The following ZBTB8OS variants were observed in gnomAD, a reference collection of about 807,000 sequenced individuals.
ZBTB8OS encodes tRNA splicing ligase complex subunit 1, also known as tRNA-splicing ligase-activating factor archease.
In ZBTB8OS, 16 loss-of-function variants were observed where a neutral mutation model predicts 29.3. The ratio of observed to expected loss-of-function variants is 0.55; its 90% confidence interval spans 0.37 to 0.83. The LOEUF (loss-of-function observed/expected upper bound fraction) is 0.83, where lower values mean the gene tolerates loss of function less well. ZBTB8OS is among the 40% of genes least tolerant of loss of function. The probability of loss-of-function intolerance (pLI) is 0.00; values close to 1 mark genes in which losing one functional copy is unlikely to be tolerated. For missense variants in ZBTB8OS, 160 were observed against 196.9 expected, an observed-to-expected ratio of 0.81 and a Z score of 1.12; for synonymous variants, 70 against 64.6, an observed-to-expected ratio of 1.08 and a Z score of -0.40.
chr1:32,646,130 G>A (rs1646809318), intron 1 of ZBTB8OS, among the ~76,000 whole-genome samples: 2 of 152,040 alleles, frequency 1.3e-5, no homozygotes, highest in South Asian at 4.1e-4. Context: ...GACCAGCCTG[G>A]CCAACATGGT....
intron 1 of ZBTB8OS, among the ~76,000 whole-genome samples, chr1:32,649,185 C>T (rs1325405734): frequency 6.6e-6 from 1 of 151,880 alleles, no homozygotes; most frequent in East Asian, 1.9e-4. Context: ...CCAGGCTGGT[C>T]TGGAACTCCT....
At chr1:32,645,352 G>A (rs1450874351) in intron 1 of ZBTB8OS, among the ~76,000 whole-genome samples, 1 of 151,668 alleles carries the variant, frequency 6.6e-6, no homozygotes, top group Non-Finnish European at 1.5e-5. Flanking sequence ...AACATAATTA[G>A]CTAGGTGTAG....
chr1:32,639,653 G>A (rs756378486), intron 1 of ZBTB8OS, among the ~76,000 whole-genome samples: 17 of 152,042 alleles, frequency 1.1e-4, no homozygotes, highest in South Asian at 2.1e-4. Flanking sequence ...AGCTACTTGG[G>A]AGGCTGAGAT....
At position 32,638,517 on chromosome 1, in the gene ZBTB8OS, T is replaced by C. The variant is rs141725984; in HGVS notation, c.98-3725A>G. Among the ~76,000 whole-genome samples the C allele has an allele frequency of 2.3e-3, 354 of 152,244 alleles. 2 individuals carry two copies. The highest frequency in any genetic ancestry group is 8.0e-3 in the African/African-American group (331 of 41,542). ...GAATTCTTTATTCTCCTAAAAATTATTGAAGACCCCAAAGAGCTTTTGTTA... is the reference window on the plus strand; with the variant it reads ...GAATTCTTTATTCTCCTAAAAATTACTGAAGACCCCAAAGAGCTTTTGTTA... On this transcript the variant is annotated intron_variant, in intron 1 of 6. Coordinates refer to ENST00000468695, the MANE Select transcript of ZBTB8OS (RefSeq NM_178547.5).
At chr1:32,639,020 A>G (rs1646204073) in intron 1 of ZBTB8OS, among the ~76,000 whole-genome samples, 1 of 151,120 alleles carries the variant, frequency 6.6e-6, no homozygotes, top group South Asian at 2.1e-4. Context: ...TTTCCTGGCC[A>G]GGCGCATTGG....
At chr1:32,636,737 T>C (rs968007043) in intron 1 of ZBTB8OS, among the ~76,000 whole-genome samples, 14 of 150,280 alleles carry the variant, frequency 9.3e-5, no homozygotes, top group South Asian at 2.1e-4. Context: ...GTCAGGTCCC[T>C]AGGATGACCC....
chr1:32,626,995 A>T (rs1423160185), intron 6 of ZBTB8OS, among the ~76,000 whole-genome samples: 2 of 152,198 alleles, frequency 1.3e-5, no homozygotes, highest in Admixed American at 1.3e-4. Flanking sequence ...AGTATTATCT[A>T]TGGCTACTTT....
At chr1:32,633,836 ACT>A in intron 3 of ZBTB8OS, 109 bp from the exon 4 acceptor site, 1 of 1,468,862 alleles carries the variant, frequency 6.8e-7, no homozygotes, top group Non-Finnish European at 9.1e-7. Context: ...GAAAGAAAAG[ACT>A]CATCCTTAAT....
At chr1:32,634,730 G>C (rs1296472037) in intron 2 of ZBTB8OS, 38 bp downstream of exon 2, 1 of 1,613,434 alleles carries the variant, frequency 6.2e-7, no homozygotes, top group Non-Finnish European at 8.5e-7. Context: ...TCTTCCTACT[G>C]ACGTGGTTTC....
chr1:32,630,797 A>C (rs1389679240), intron 5 of ZBTB8OS, among the ~76,000 whole-genome samples: 1 of 151,272 alleles, frequency 6.6e-6, no homozygotes, highest in Non-Finnish European at 1.5e-5. Flanking sequence ...AGATCACCTG[A>C]GGTCAGGAGC....
intron 6 of ZBTB8OS, among the ~76,000 whole-genome samples, chr1:32,623,583 CAGA>C (rs958774896): frequency 5.9e-5 from 9 of 152,130 alleles, no homozygotes; most frequent in African/African-American, 2.2e-4. Flanking sequence ...TGGCTCCCAT[CAGA>C]AGGCCAACTC....
chr1:32,632,758 AACT>A (rs1490073524), intron 4 of ZBTB8OS, among the ~76,000 whole-genome samples: 2 of 152,172 alleles, frequency 1.3e-5, no homozygotes, highest in African/African-American at 4.8e-5. Context: ...TATGGTAGAG[AACT>A]ACTCTGGGCA....
At chr1:32,623,951 G>A (rs1299361924) in intron 6 of ZBTB8OS, among the ~76,000 whole-genome samples, 1 of 152,092 alleles carries the variant, frequency 6.6e-6, no homozygotes, top group Non-Finnish European at 1.5e-5. Context: ...TCACGGGGGC[G>A]GTTTCCACCA....
At chr1:32,623,865 C>T (rs1414274052) in intron 6 of ZBTB8OS, among the ~76,000 whole-genome samples, 1 of 152,162 alleles carries the variant, frequency 6.6e-6, no homozygotes, top group Non-Finnish European at 1.5e-5. Flanking sequence ...TGTCCCCACC[C>T]AAATCTCATC....
At chr1:32,650,698 G>A, upstream of ZBTB8OS, 3 of 1,258,912 alleles carry the variant, frequency 2.4e-6, no homozygotes, top group South Asian at 3.0e-5. Context: ...CGCTTGGATC[G>A]CATATTTAAA....
intron 5 of ZBTB8OS, 21 bp from the exon 6 acceptor site, chr1:32,627,565 CAT>C: frequency 6.2e-7 from 1 of 1,609,214 alleles, no homozygotes; most frequent in Non-Finnish European, 8.5e-7. Flanking sequence ...CAAATTAAAA[CAT>C]GATTAAGATT....
At chr1:32,635,060 A>AAAAT (rs1353458459) in intron 1 of ZBTB8OS, among the ~76,000 whole-genome samples, 2 of 151,636 alleles carry the variant, frequency 1.3e-5, no homozygotes, top group East Asian at 1.9e-4. Context: ...CTCCATCTCA[A>AAAAT]AAATAAATAA....
chr1:32,623,672 T>C (rs935442499), intron 6 of ZBTB8OS, among the ~76,000 whole-genome samples: 2 of 152,172 alleles, frequency 1.3e-5, no homozygotes, highest in African/African-American at 4.8e-5. Context: ...CTCTACAACC[T>C]TGTCTCCTAC....
At chr1:32,640,982 C>G (rs112516392) in intron 1 of ZBTB8OS, among the ~76,000 whole-genome samples, 6 of 143,456 alleles carry the variant, frequency 4.2e-5, no homozygotes, top group African/African-American at 1.6e-4. Context: ...CTGGCCAACA[C>G]GGTGAAACCC....
Sources: gnomAD v4.1 joint callset for allele counts (sites outside exome capture counted in the v4.1 genomes callset) on GRCh38, gnomAD v4.1.1 for gene constraint, MANE v1.5 for transcripts, NCBI Gene and HGNC (gene_info 2026-07-23, HGNC 2026-07-21) for gene names.